TCHP: variants seen among roughly 807,000 people sequenced by gnomAD.
The protein encoded by TCHP is trichoplein keratin filament binding, also known as trichoplein keratin filament-binding protein.
A neutral mutation model predicts 88.7 loss-of-function variants in TCHP; 81 were observed. The ratio of observed to expected loss-of-function variants is 0.91; its 90% CI spans 0.76 to 1.10. The LOEUF is 1.10. Ranked by LOEUF, TCHP falls within the 50% of genes least tolerant of loss-of-function variation. The pLI is 0.00. For missense variants in TCHP, 641 were observed against 632.1 expected (o/e 1.01, Z -0.15); for synonymous variants, 232 against 232.5 (o/e 1.00, Z 0.02).
intron 1 of TCHP, chr12:109,901,019 C>T (rs937102783): frequency 2.6e-5 from 4 of 152,288 alleles, no homozygotes; most frequent in African/African-American, 9.6e-5. Context: ...TCAGGCAATT[C>T]CTCTCTCTAG....
chr12:109,891,322 T>C, the TCHP span, among the ~76,000 whole-genome samples: 1 of 152,090 alleles, frequency 6.6e-6, no homozygotes, highest in African/African-American at 2.4e-5. Flanking sequence ...TGTAGTTGAG[T>C]GAGTAAATGT....
chr12:109,886,865 C>T, the TCHP span, among the ~76,000 whole-genome samples: 8,493 of 151,984 alleles, frequency 0.056, 352 homozygotes, highest in East Asian at 0.12. Context: ...TGCACCGCCA[C>T]GCCCGGCTAA....
At chr12:109,898,135 T>C (rs1014755959), upstream of TCHP, among the ~76,000 whole-genome samples, 2 of 152,220 alleles carry the variant, frequency 1.3e-5, no homozygotes. Context: ...TCACCTGGGA[T>C]GCACTGGATG....
At chr12:109,900,942 A>G (rs558429241) in intron 1 of TCHP, 2 of 152,398 alleles carry the variant, frequency 1.3e-5, no homozygotes, top group Admixed American at 6.5e-5. Flanking sequence ...CTTTTGGGTC[A>G]GGGGAATTGG....
chr12:109,886,850 A>C, the TCHP span, among the ~76,000 whole-genome samples: 1 of 152,000 alleles, frequency 6.6e-6, no homozygotes, highest in Non-Finnish European at 1.5e-5. Flanking sequence ...CTGGGATTAT[A>C]GGTGTGCACC....
chr12:109,902,930 C>G (rs1158360102), intron 1 of TCHP, 97 bp from the exon 2 acceptor site: 1 of 930,278 alleles, frequency 1.1e-6, no homozygotes, highest in Non-Finnish European at 1.6e-6. Flanking sequence ...CACTGTGCAG[C>G]CAAGGGGTGG....
At chr12:109,894,263 C>T in the TCHP span, among the ~76,000 whole-genome samples, 1 of 148,442 alleles carries the variant, frequency 6.7e-6, no homozygotes, top group Non-Finnish European at 1.5e-5. Context: ...TCAAGACCAT[C>T]CTGGTTAACA....
At chr12:109,883,184 C>A in the TCHP span, among the ~76,000 whole-genome samples, 1 of 149,756 alleles carries the variant, frequency 6.7e-6, no homozygotes. Flanking sequence ...CAGGAACATG[C>A]CAACATGCTA....
At chr12:109,908,499 C>T in intron 6 of TCHP, 87 bp from the exon 7 acceptor site, 1 of 1,153,950 alleles carries the variant, frequency 8.7e-7, no homozygotes, top group South Asian at 1.4e-5. Flanking sequence ...GGTGTAGTGT[C>T]TGCGAAAAAT....
the TCHP span, among the ~76,000 whole-genome samples, chr12:109,889,860 G>A: frequency 1.3e-5 from 2 of 152,156 alleles, no homozygotes; most frequent in African/African-American, 4.8e-5. Flanking sequence ...GTGCCAAATG[G>A]GCTTTGTTGA....
chr12:109,882,844 A>G, the TCHP span, among the ~76,000 whole-genome samples: 3 of 151,144 alleles, frequency 2.0e-5, no homozygotes, highest in African/African-American at 7.3e-5. Flanking sequence ...TTTTTAGTAG[A>G]GATGGGGTTT....
intron 6 of TCHP, 123 bp from the exon 7 acceptor site, chr12:109,908,463 A>G: frequency 1.3e-6 from 1 of 762,896 alleles, no homozygotes; most frequent in Admixed American, 2.3e-5. Context: ...GGGGATCGTG[A>G]CCACCTGCAT....
chr12:109,915,153 A>G (rs1378023345), intron 11 of TCHP: 7 of 582,436 alleles, frequency 1.2e-5, no homozygotes, highest in South Asian at 2.0e-5. Context: ...CACGCCACGC[A>G]TACAGCCTCT....
At chr12:109,907,157 G>C (rs747105643) in intron 5 of TCHP, among the ~76,000 whole-genome samples, 11 of 152,226 alleles carry the variant, frequency 7.2e-5, no homozygotes, top group Non-Finnish European at 1.5e-4. Flanking sequence ...CAAAGTGCTG[G>C]GATTACAGGC....
chr12:109,900,333 T>C lies in TCHP; in HGVS notation c.-94T>C, dbSNP rs1869706025. The C allele has an allele frequency of 6.6e-6, 1 of 151,948 alleles. No homozygotes were observed. Among genetic ancestry groups the C allele is most frequent in the Admixed American group, 6.5e-5 (1 of 15,272 alleles). 9.4% of individuals were successfully genotyped at this position (151,948 alleles called of 1,614,324 possible). On this transcript the variant is annotated 5_prime_UTR_variant, in exon 1 of 13. Coordinates refer to ENST00000405876, the MANE Select transcript of TCHP (RefSeq NM_001143852.2). ...AAACAGCCGGCGTTGCTGTAGCGCG[T>C]CTGGGAATTACACCGGGGGACTGGC...
intron 8 of TCHP, among the ~76,000 whole-genome samples, chr12:109,909,972 G>C (rs940359211): frequency 2.0e-5 from 3 of 151,490 alleles, no homozygotes; most frequent in African/African-American, 7.3e-5. Flanking sequence ...CTCAAAACAA[G>C]AACAACAACA....
intron 9 of TCHP, among the ~76,000 whole-genome samples, chr12:109,911,804 T>A (rs867663199): frequency 1.1e-4 from 17 of 151,720 alleles, no homozygotes; most frequent in Middle Eastern, 3.4e-3. Context: ...GGAAATTATT[T>A]TTTTTTTTTT....
Position 109,913,704 on chromosome 12 carries a change from G to A in TCHP, c.1134+632G>A, listed in dbSNP as rs552160185. 5.3e-5 allele frequency among the ~76,000 whole-genome samples: 8 copies of A among 152,308 alleles called. No individual in the cohort carries two copies. In the South Asian group the frequency reaches 1.7e-3, roughly 32 times the overall value. On this transcript the variant is annotated intron_variant, in intron 10 of 12. Coordinates refer to ENST00000405876, the MANE Select transcript of TCHP (RefSeq NM_001143852.2). Reference sequence around the variant, plus strand: ...AGGAGAAGAGAGAGTGTTACCCATGGGCTGAAAGCTGTTGTAAAGTGGTTT... The same window carrying A: ...AGGAGAAGAGAGAGTGTTACCCATGAGCTGAAAGCTGTTGTAAAGTGGTTT...
chr12:109,913,165 A>G (rs929636972), intron 10 of TCHP, 93 bp downstream of exon 10: 3 of 1,138,658 alleles, frequency 2.6e-6, no homozygotes, highest in Non-Finnish European at 1.3e-6. Flanking sequence ...TGCTCTGGGA[A>G]CAGAGTCTTC....
Sources: allele counts gnomAD v4.1 joint callset (sites outside exome capture counted in the v4.1 genomes callset), GRCh38; gene constraint gnomAD v4.1.1; transcripts MANE v1.5; gene names NCBI Gene and HGNC (gene_info 2026-07-23, HGNC 2026-07-21).